The following GRM7 variants were observed in gnomAD, a reference collection of about 807,000 sequenced individuals.
The protein encoded by GRM7 is metabotropic glutamate receptor 7.
In GRM7, 35 loss-of-function variants were observed where a neutral mutation model predicts 84.5. The ratio of observed to expected loss-of-function variants is 0.41; its 90% CI spans 0.32 to 0.55. The LOEUF (loss-of-function observed/expected upper bound fraction) is 0.55. GRM7 is among the 20% of genes least tolerant of loss of function. The pLI is 0.19. For missense variants in GRM7, 1,003 were observed against 1,194.6 expected, an observed-to-expected ratio of 0.84 and a Z score of 2.36; for synonymous variants, 487 against 455.1, an observed-to-expected ratio of 1.07 and a Z score of -0.89.
intron 9 of GRM7, among the ~76,000 whole-genome samples, chr3:7,706,781 C>G (rs1172620352): frequency 6.6e-6 from 1 of 152,152 alleles, no homozygotes; most frequent in African/African-American, 2.4e-5. Context: ...TGTGGTTGAA[C>G]TCAGTCTTTA....
At chr3:7,071,782 G>T (rs948473695) in intron 1 of GRM7, among the ~76,000 whole-genome samples, 5 of 151,964 alleles carry the variant, frequency 3.3e-5, no homozygotes, top group Non-Finnish European at 7.4e-5. Context: ...ATTTTTAAAA[G>T]ATATATTTAT....
chr3:6,889,060 G>C (rs538541410), intron 1 of GRM7, among the ~76,000 whole-genome samples: 6 of 152,266 alleles, frequency 3.9e-5, no homozygotes, highest in Non-Finnish European at 5.9e-5. Flanking sequence ...AAGAATGCTT[G>C]TGATTTTTGT....
At chr3:7,057,784 G>A (rs1203745352) in intron 1 of GRM7, among the ~76,000 whole-genome samples, 3 of 151,846 alleles carry the variant, frequency 2.0e-5, no homozygotes, top group Admixed American at 1.3e-4. Flanking sequence ...CTTGGGACTT[G>A]GCACCTCTTC....
intron 1 of GRM7, among the ~76,000 whole-genome samples, chr3:6,971,420 C>G (rs1693755640): frequency 6.6e-6 from 1 of 152,130 alleles, no homozygotes; most frequent in African/African-American, 2.4e-5. Context: ...ACCCATCACC[C>G]CCTGCATATT....
chr3:7,607,464 C>CA (rs1696637364), intron 8 of GRM7: 1 of 151,908 alleles, frequency 6.6e-6, no homozygotes, highest in Non-Finnish European at 1.5e-5. Flanking sequence ...AAAACAAAAG[C>CA]AAAAAATACT....
At chr3:6,911,568 G>T (rs1396997154) in intron 1 of GRM7, among the ~76,000 whole-genome samples, 1 of 152,066 alleles carries the variant, frequency 6.6e-6, no homozygotes, top group Non-Finnish European at 1.5e-5. Flanking sequence ...ACTGGAAAAA[G>T]TCATCTCAGT....
intron 4 of GRM7, among the ~76,000 whole-genome samples, chr3:7,411,940 T>C (rs1403706969): frequency 2.0e-5 from 3 of 151,998 alleles, no homozygotes; most frequent in Non-Finnish European, 4.4e-5. Flanking sequence ...TTTCTCACCC[T>C]AATCAATGCC....
chr3:7,137,844 A>T (rs1275613221), intron 1 of GRM7, among the ~76,000 whole-genome samples: 1 of 152,116 alleles, frequency 6.6e-6, no homozygotes, highest in Non-Finnish European at 1.5e-5. Flanking sequence ...CTGGAGAAAT[A>T]AATACATGCC....
intron 1 of GRM7, among the ~76,000 whole-genome samples, chr3:7,061,228 C>T (rs1233497550): frequency 6.6e-6 from 1 of 151,756 alleles, no homozygotes; most frequent in African/African-American, 2.4e-5. Flanking sequence ...TTGAATTGTT[C>T]TTAGGTAGTT....
intron 4 of GRM7, among the ~76,000 whole-genome samples, chr3:7,405,487 T>C (rs1011342516): frequency 2.6e-5 from 4 of 152,272 alleles, no homozygotes; most frequent in African/African-American, 9.6e-5. Flanking sequence ...GTTGGGAAGA[T>C]TCAAAATTGA....
intron 1 of GRM7, among the ~76,000 whole-genome samples, chr3:7,034,747 C>T (rs1574816642): frequency 6.6e-6 from 1 of 152,144 alleles, no homozygotes; most frequent in African/African-American, 2.4e-5. Flanking sequence ...GAACCCAAAG[C>T]AGTTAAAGGG....
chr3:7,182,870 C>T (rs1395382541), intron 2 of GRM7, among the ~76,000 whole-genome samples: 5 of 142,012 alleles, frequency 3.5e-5, no homozygotes, highest in Non-Finnish European at 6.1e-5. Flanking sequence ...ACCTTGTGTG[C>T]TAGGTTTTAG....
intron 1 of GRM7, among the ~76,000 whole-genome samples, chr3:6,966,401 T>G (rs2125088256): frequency 6.6e-6 from 1 of 152,332 alleles, no homozygotes; most frequent in Admixed American, 6.5e-5. Context: ...TCTTCTAAGC[T>G]GAGGATTTTC....
intron 4 of GRM7, among the ~76,000 whole-genome samples, chr3:7,371,756 G>A (rs1694146407): frequency 6.6e-6 from 1 of 152,090 alleles, no homozygotes. Context: ...TTTGTGACTT[G>A]AACAGCCCAT....
At chr3:7,221,424 T>C (rs1463545277) in intron 2 of GRM7, among the ~76,000 whole-genome samples, 3 of 152,184 alleles carry the variant, frequency 2.0e-5, no homozygotes, top group Admixed American at 1.3e-4. Context: ...TGGGTTGTTT[T>C]TCTTCCATTT....
chr3:7,304,070 T>C (rs2125029925), intron 3 of GRM7, among the ~76,000 whole-genome samples: 1 of 152,204 alleles, frequency 6.6e-6, no homozygotes, highest in East Asian at 1.9e-4. Context: ...TATTAATCAA[T>C]GCATCATACG....
chr3:7,464,410 C>T (rs1698376361), intron 7 of GRM7, among the ~76,000 whole-genome samples: 2 of 152,156 alleles, frequency 1.3e-5, no homozygotes, highest in Admixed American at 1.3e-4. Context: ...AGGTCTGAAG[C>T]TCAGACAACA....
At chr3:7,109,399 A>T (rs1461209499) in intron 1 of GRM7, among the ~76,000 whole-genome samples, 1 of 152,172 alleles carries the variant, frequency 6.6e-6, no homozygotes, top group Non-Finnish European at 1.5e-5. Flanking sequence ...GTCAACTCTG[A>T]CAAATGTTTT....
chr3:6,861,783 C>G lies in GRM7; in HGVS notation c.395C>G (p.Ser132Cys). The G allele has an allele frequency of 6.2e-7, 1 of 1,614,210 alleles. No homozygotes were observed. The highest frequency in any genetic ancestry group is 1.1e-5 in the South Asian group (1 of 91,086). ...CAGGCGCTCATCCAGAAGGACACCT[C>G]CGACGTGCGCTGCACCAACGGCGAA... ...FVQALIQKDTSDVRCTNGEPP... is the reference protein window; with the variant it reads ...FVQALIQKDTCDVRCTNGEPP... The change falls in exon 1 of 10, where the codon TCC (serine) becomes TGC (cysteine). Residue 132 changes from serine to cysteine, a missense_variant. By Grantham distance (112) the Ser-to-Cys change is moderately radical. Around this residue, in one of 2 missense-constraint regions of GRM7, gnomAD observed 910 missense variants for 1,126.0 expected, o/e 0.81. Coordinates refer to ENST00000357716, the MANE Select transcript of GRM7 (RefSeq NM_000844.4). This position sits in a 1 kb window ranked among gnomAD's most constrained non-coding sequence, Gnocchi z 6.4.
Sources: allele counts gnomAD v4.1 joint callset (sites outside exome capture counted in the v4.1 genomes callset), GRCh38; gene constraint gnomAD v4.1.1; regional missense constraint gnomAD v4.1.1; non-coding constraint Gnocchi (gnomAD v3.1); transcripts MANE v1.5; gene names NCBI Gene and HGNC (gene_info 2026-07-23, HGNC 2026-07-21).